The following CALN1 variants were observed in gnomAD, a reference collection of about 807,000 sequenced individuals.
CALN1 encodes the protein calneuron 1.
A neutral mutation model predicts 30.6 loss-of-function variants in CALN1; 17 were observed. The ratio of observed to expected loss-of-function variants is 0.56; its 90% CI spans 0.38 to 0.83. CALN1 has a LOEUF of 0.83. Among genes scored for constraint, CALN1 ranks in the 40% least tolerant of loss-of-function variants. The pLI, the probability that CALN1 is intolerant of heterozygous loss-of-function variation, is 0.00. For missense variants in CALN1, 291 were observed against 354.9 expected, an observed-to-expected ratio of 0.82 and a Z score of 1.45; for synonymous variants, 156 against 131.4, an observed-to-expected ratio of 1.19 and a Z score of -1.28.
chr7:72,355,941 A>C (rs1293128698), intron 2 of CALN1, among the ~76,000 whole-genome samples: 1 of 152,220 alleles, frequency 6.6e-6, no homozygotes, highest in Non-Finnish European at 1.5e-5. Context: ...ATCCTCAATA[A>C]AGTTGATTTG....
chr7:72,160,858 A>G (rs1332460842), intron 3 of CALN1, among the ~76,000 whole-genome samples: 1 of 152,192 alleles, frequency 6.6e-6, no homozygotes, highest in Non-Finnish European at 1.5e-5. Flanking sequence ...ACTGTCCCCA[A>G]GCTAGCCCTG....
chr7:72,168,966 C>T (rs537018056), intron 3 of CALN1, among the ~76,000 whole-genome samples: 1 of 151,886 alleles, frequency 6.6e-6, no homozygotes, highest in South Asian at 2.1e-4. Flanking sequence ...CCAACACGCT[C>T]AGCTAATTTT....
chr7:72,206,238 G>A (rs1222820761), intron 3 of CALN1, among the ~76,000 whole-genome samples: 1 of 152,206 alleles, frequency 6.6e-6, no homozygotes, highest in Non-Finnish European at 1.5e-5. Context: ...TTGAAATGCA[G>A]CATCTGTCAT....
intron 2 of CALN1, among the ~76,000 whole-genome samples, chr7:72,375,989 A>C (rs1385989530): frequency 6.6e-6 from 1 of 152,178 alleles, no homozygotes; most frequent in East Asian, 1.9e-4. Flanking sequence ...TATATCTCAT[A>C]ATTAGAATCA....
chr7:72,145,900 G>A (rs1288984796), intron 3 of CALN1, among the ~76,000 whole-genome samples: 1 of 152,138 alleles, frequency 6.6e-6, no homozygotes, highest in Non-Finnish European at 1.5e-5. Flanking sequence ...ATGCAGAAAA[G>A]GCCTTTGACA....
At chr7:71,788,947 T>C (rs991509223) in intron 6 of CALN1, among the ~76,000 whole-genome samples, 1 of 151,514 alleles carries the variant, frequency 6.6e-6, no homozygotes, top group African/African-American at 2.4e-5. Flanking sequence ...CGTGAGCCAC[T>C]GCGCCTGGCC....
At chr7:72,285,907 A>G (rs1798051301) in intron 2 of CALN1, among the ~76,000 whole-genome samples, 1 of 152,198 alleles carries the variant, frequency 6.6e-6, no homozygotes, top group Admixed American at 6.5e-5. Flanking sequence ...ACAAGGGGCA[A>G]TATTGATCTT....
At position 71,841,568 on chromosome 7, in the gene CALN1, C is replaced by T. The variant is rs189303053; in HGVS notation, c.502-31076G>A. ...ACTCACACTTGTATGTTCATTGCAGCACTATTCACAACAGCAAAGACATGG... is the reference window on the plus strand; with the variant it reads ...ACTCACACTTGTATGTTCATTGCAGTACTATTCACAACAGCAAAGACATGG... On this transcript the variant is annotated intron_variant, in intron 5 of 6. Coordinates refer to ENST00000395275, the MANE Select transcript of CALN1 (RefSeq NM_031468.4). 1.1e-3 allele frequency among the ~76,000 whole-genome samples: 175 copies of T among 152,260 alleles called. 1 individual carries two copies. Among genetic ancestry groups the T allele is most frequent in the African/African-American group, 4.0e-3 (166 of 41,548 alleles).
chr7:72,191,889 C>T (rs976883401), intron 3 of CALN1, among the ~76,000 whole-genome samples: 1 of 152,150 alleles, frequency 6.6e-6, no homozygotes, highest in African/African-American at 2.4e-5. Flanking sequence ...AGGCTAGCAC[C>T]CGTTTCCTTG....
chr7:72,051,457 A>G lies in CALN1; in HGVS notation c.389-27688T>C, dbSNP rs80290976. ...ATCAGATTTCTAAAACTGATAACCT[A>G]TTTTTAAAAAATACCTGAAAAGCTT... On this transcript the variant is annotated intron_variant, in intron 4 of 6. Coordinates refer to ENST00000395275, the MANE Select transcript of CALN1 (RefSeq NM_031468.4). Among the ~76,000 whole-genome samples the G allele has an allele frequency of 5.6e-3, 849 of 152,284 alleles. 8 individuals are homozygous for G. Among genetic ancestry groups the G allele is most frequent in the Non-Finnish European group, 8.4e-3 (572 of 68,020 alleles).
At position 71,786,607 on chromosome 7, in the gene CALN1, GAAGATCTT is replaced by G. The variant is rs1792990177; in HGVS notation, c.*1160_*1167del. The G allele has an allele frequency of 6.6e-6, 1 of 152,186 alleles. No individual in the cohort carries two copies. Among genetic ancestry groups the G allele is most frequent in the Non-Finnish European group, 1.5e-5 (1 of 68,036 alleles). 9.4% of individuals were successfully genotyped at this position (152,186 alleles called of 1,614,324 possible). ...AGTCAGTTGCAGAATCTGAAGGCCAGAAGATCTTATGTGAAAATACAGTCGTTTGATCT... is the reference window on the plus strand; with the variant it reads ...AGTCAGTTGCAGAATCTGAAGGCCAGATGTGAAAATACAGTCGTTTGATCT... On this transcript the variant is annotated 3_prime_UTR_variant, in exon 7 of 7. Transcript: ENST00000395275.
chr7:72,108,941 A>C (rs947597432), intron 3 of CALN1, among the ~76,000 whole-genome samples: 4 of 152,154 alleles, frequency 2.6e-5, no homozygotes, highest in Non-Finnish European at 5.9e-5. Context: ...TAGCCAAGTT[A>C]TCTCCCTTTC....
intron 2 of CALN1, among the ~76,000 whole-genome samples, chr7:72,360,249 CTT>C (rs1234009881): frequency 6.6e-6 from 1 of 152,054 alleles, no homozygotes; most frequent in African/African-American, 2.4e-5. Flanking sequence ...ATGTAATTGT[CTT>C]TGTGAAATAT....
intron 2 of CALN1, among the ~76,000 whole-genome samples, chr7:72,285,972 C>T (rs771060531): frequency 6.6e-6 from 1 of 152,188 alleles, no homozygotes; most frequent in Non-Finnish European, 1.5e-5. Context: ...TGCCAAATTC[C>T]TGTAAAAACA....
chr7:72,118,766 G>C (rs540749651), intron 3 of CALN1, among the ~76,000 whole-genome samples: 18 of 152,288 alleles, frequency 1.2e-4, no homozygotes, highest in Non-Finnish European at 2.1e-4. Flanking sequence ...TCTCAGGGCT[G>C]ACCCCTCTGG....
At chr7:72,097,414 C>T (rs1806311672) in intron 4 of CALN1, among the ~76,000 whole-genome samples, 1 of 152,128 alleles carries the variant, frequency 6.6e-6, no homozygotes, top group African/African-American at 2.4e-5. Flanking sequence ...CTGAGATCAC[C>T]CAAACAGCTG....
chr7:72,249,036 T>C (rs1471041192), intron 3 of CALN1, among the ~76,000 whole-genome samples: 1 of 152,192 alleles, frequency 6.6e-6, no homozygotes, highest in African/African-American at 2.4e-5. Flanking sequence ...TAAGCAGTGA[T>C]GGATCACGAA....
chr7:72,203,977 CTCTTTTTTTTT>C (rs1791628632), intron 3 of CALN1, among the ~76,000 whole-genome samples: 1 of 92,272 alleles, frequency 1.1e-5, no homozygotes, highest in African/African-American at 6.1e-5. Flanking sequence ...AGAGGCCTCT[CTCTTTTTTTTT>C]TTTTTTTTTT....
chr7:72,337,072 C>T, intron 2 of CALN1: 3 of 985,760 alleles, frequency 3.0e-6, no homozygotes, highest in Non-Finnish European at 3.6e-6. Flanking sequence ...TCCCGCTGGC[C>T]GCGCGGGTTC....
Sources: gnomAD v4.1 joint callset for allele counts (sites outside exome capture counted in the v4.1 genomes callset) on GRCh38, gnomAD v4.1.1 for gene constraint, MANE v1.5 for transcripts, NCBI Gene and HGNC (gene_info 2026-07-23, HGNC 2026-07-21) for gene names.